The following LUZP2 variants were observed in gnomAD, a reference collection of about 807,000 sequenced individuals.
LUZP2 encodes leucine zipper protein 2.
Under a neutral mutation model 51.6 loss-of-function variants are expected in LUZP2, and 52 were observed. The ratio of observed to expected loss-of-function variants is 1.01; its 90% CI spans 0.81 to 1.27. The LOEUF is 1.27. LUZP2 is among the 50% of genes most tolerant of loss of function. The pLI, the probability that LUZP2 is intolerant of heterozygous loss-of-function variation, is 0.00. For missense variants in LUZP2, 436 were observed against 395.4 expected (o/e 1.10, Z -0.87); for synonymous variants, 154 against 137.3 (o/e 1.12, Z -0.85).
At chr11:24,619,743 C>G (rs1249559214) in intron 1 of LUZP2, among the ~76,000 whole-genome samples, 2 of 152,018 alleles carry the variant, frequency 1.3e-5, no homozygotes, top group Non-Finnish European at 2.9e-5. Flanking sequence ...TAAATCATCC[C>G]TAGATTACAT....
chr11:24,870,941 T>C lies in LUZP2; in HGVS notation c.397-35050T>C, dbSNP rs142395240. Reference sequence around the variant, plus strand: ...GAATTTCTATATATTCAGTTAACCATTTTTTTGGTAGAACATTTTTTTGCT... The same window carrying C: ...GAATTTCTATATATTCAGTTAACCACTTTTTTGGTAGAACATTTTTTTGCT... On this transcript the variant is annotated intron_variant, in intron 5 of 11. Transcript: ENST00000336930. Among the ~76,000 whole-genome samples, 787 of 152,000 alleles carry C rather than the reference T, an allele frequency of 5.2e-3. 5 individuals carry two copies. The highest frequency in any genetic ancestry group is 0.018 in the African/African-American group (754 of 41,498).
At chr11:25,058,839 T>C (rs1858757790) in intron 10 of LUZP2, among the ~76,000 whole-genome samples, 1 of 152,214 alleles carries the variant, frequency 6.6e-6, no homozygotes, top group Non-Finnish European at 1.5e-5. Flanking sequence ...TTCTTGCTTT[T>C]CAGTTTCTTA....
chr11:25,026,459 C>T (rs1256048601), intron 9 of LUZP2, among the ~76,000 whole-genome samples: 2 of 152,084 alleles, frequency 1.3e-5, no homozygotes, highest in East Asian at 1.9e-4. Context: ...TAATATGCTT[C>T]AGAGATGCTG....
chr11:24,819,323 A>G (rs940255652), intron 5 of LUZP2, among the ~76,000 whole-genome samples: 4 of 152,010 alleles, frequency 2.6e-5, no homozygotes, highest in African/African-American at 9.7e-5. Context: ...GTTTTTGTTG[A>G]TGGGAAGATT....
intron 1 of LUZP2, among the ~76,000 whole-genome samples, chr11:24,566,754 A>G (rs1852240294): frequency 6.8e-6 from 1 of 146,564 alleles, no homozygotes; most frequent in Non-Finnish European, 1.5e-5. Context: ...ATGTATGTAT[A>G]CATATTTATG....
At chr11:24,526,559 T>A (rs181066809) in intron 1 of LUZP2, among the ~76,000 whole-genome samples, 2 of 151,306 alleles carry the variant, frequency 1.3e-5, no homozygotes, top group East Asian at 3.9e-4. Flanking sequence ...CACAAAATTA[T>A]GTTTCTTTTC....
intron 7 of LUZP2, among the ~76,000 whole-genome samples, chr11:24,961,104 C>G (rs1855385387): frequency 6.6e-6 from 1 of 152,086 alleles, no homozygotes; most frequent in Non-Finnish European, 1.5e-5. Context: ...GCACTGTGGT[C>G]AGAGAGATAG....
chr11:24,620,806 A>G (rs1397861484), intron 1 of LUZP2, among the ~76,000 whole-genome samples: 1 of 152,220 alleles, frequency 6.6e-6, no homozygotes, highest in Non-Finnish European at 1.5e-5. Context: ...GCTACAATGT[A>G]AGTCAAAGCA....
chr11:24,663,335 C>T (rs946625071), intron 1 of LUZP2, among the ~76,000 whole-genome samples: 61 of 152,224 alleles, frequency 4.0e-4, no homozygotes, highest in African/African-American at 1.4e-3. Context: ...CCTGCTCCAT[C>T]ATCATAAGAC....
intron 1 of LUZP2, among the ~76,000 whole-genome samples, chr11:24,709,447 G>A (rs951101237): frequency 9.9e-5 from 15 of 152,146 alleles, no homozygotes; most frequent in African/African-American, 3.4e-4. Context: ...GGATTTGATA[G>A]AACTACAGAG....
intron 7 of LUZP2, among the ~76,000 whole-genome samples, chr11:24,958,920 T>A (rs1855298486): frequency 6.6e-6 from 1 of 152,218 alleles, no homozygotes; most frequent in Non-Finnish European, 1.5e-5. Flanking sequence ...CATCTTGAAT[T>A]GATTTTTATA....
chr11:24,769,052 C>T (rs1653919413), intron 5 of LUZP2, among the ~76,000 whole-genome samples: 1 of 152,048 alleles, frequency 6.6e-6, no homozygotes, highest in Non-Finnish European at 1.5e-5. Flanking sequence ...TACTATTCAG[C>T]TATTAAAAAG....
chr11:24,561,872 G>C (rs1852052717), intron 1 of LUZP2, among the ~76,000 whole-genome samples: 1 of 148,536 alleles, frequency 6.7e-6, no homozygotes, highest in South Asian at 2.1e-4. Context: ...ACTAGATGTA[G>C]AAAAAAGCAC....
intron 9 of LUZP2, among the ~76,000 whole-genome samples, chr11:25,020,503 C>G (rs967368919): frequency 3.3e-5 from 5 of 152,032 alleles, no homozygotes; most frequent in Non-Finnish European, 7.4e-5. Context: ...TGAGGAATCA[C>G]TCATTCTTGC....
At chr11:24,618,989 A>C (rs1854394379) in intron 1 of LUZP2, among the ~76,000 whole-genome samples, 1 of 150,254 alleles carries the variant, frequency 6.7e-6, no homozygotes, top group Non-Finnish European at 1.5e-5. Flanking sequence ...TATTTTTGTA[A>C]TTCTAACCAC....
chr11:24,763,437 A>G (rs1467995447), intron 5 of LUZP2, 129 bp downstream of exon 5: 2 of 391,784 alleles, frequency 5.1e-6, no homozygotes, highest in Non-Finnish European at 9.3e-6. Flanking sequence ...AAACTAATGT[A>G]GAGAAATTGT....
intron 5 of LUZP2, among the ~76,000 whole-genome samples, chr11:24,795,407 GAGAAATAAGAAGAAA>G (rs1230289564): frequency 6.6e-6 from 1 of 152,046 alleles, no homozygotes. Context: ...AAAACAGTAT[GAGAAATAAGAAGAAA>G]AGGAAAATAG....
intron 5 of LUZP2, among the ~76,000 whole-genome samples, chr11:24,842,371 G>T (rs1055121283): frequency 5.3e-5 from 8 of 151,462 alleles, no homozygotes; most frequent in South Asian, 4.2e-4. Context: ...TAATAAAATA[G>T]TTTTGAGATT....
chr11:24,998,867 C>A (rs890483342), intron 9 of LUZP2, among the ~76,000 whole-genome samples: 4 of 152,026 alleles, frequency 2.6e-5, no homozygotes, highest in African/African-American at 9.7e-5. Flanking sequence ...GTCATGCATG[C>A]AGTCGATAAC....
Sources: gnomAD v4.1 joint callset for allele counts (sites outside exome capture counted in the v4.1 genomes callset) on GRCh38, gnomAD v4.1.1 for gene constraint, MANE v1.5 for transcripts, NCBI Gene and HGNC (gene_info 2026-07-23, HGNC 2026-07-21) for gene names.